UNC93A: variants seen among roughly 807,000 people sequenced by gnomAD.
UNC93A encodes unc-93 homolog A, also known as N-acetylglucosamine transporter UNC93A.
In UNC93A, 43 loss-of-function variants were observed where a neutral mutation model predicts 47.5. That is an observed-to-expected ratio of 0.91 (90% CI 0.71 to 1.17). The LOEUF is 1.17. UNC93A is among the 50% of genes most tolerant of loss of function. The pLI is 0.00. For missense variants in UNC93A, 605 were observed against 577.6 expected (o/e 1.05, Z -0.49); for synonymous variants, 280 against 258.0 (o/e 1.09, Z -0.82).
chr6:167,281,110 GTC>G (rs1170423656), intron 1 of UNC93A, among the ~76,000 whole-genome samples: 1 of 151,892 alleles, frequency 6.6e-6, no homozygotes. Flanking sequence ...GCCCCAGGAG[GTC>G]ATCCCACTGA....
chr6:167,312,831 T>A (rs1024238764), intron 7 of UNC93A, among the ~76,000 whole-genome samples: 1 of 152,238 alleles, frequency 6.6e-6, no homozygotes, highest in African/African-American at 2.4e-5. Flanking sequence ...TTCTTTATGT[T>A]TGGATTAAAA....
At chr6:167,296,376 T>C in intron 3 of UNC93A, 115 bp downstream of exon 3, 1 of 1,128,202 alleles carries the variant, frequency 8.9e-7, no homozygotes, top group Non-Finnish European at 1.3e-6. Flanking sequence ...CTTGAGCAGG[T>C]GAGTCAGGCC....
At chr6:167,294,456 C>A in intron 1 of UNC93A, 61 bp from the exon 2 acceptor site, 3 of 1,579,864 alleles carry the variant, frequency 1.9e-6, no homozygotes, top group Non-Finnish European at 2.6e-6. Flanking sequence ...TGAGGACCTG[C>A]TGGTGCCTCA....
At position 167,285,071 on chromosome 6, in the gene UNC93A, G is replaced by A. The variant is rs370167907; in HGVS notation, c.-51-6368G>A. Among the ~76,000 whole-genome samples the A allele has an allele frequency of 7.0e-4, 107 of 152,130 alleles. No individual in the cohort carries two copies. In the East Asian group the frequency reaches 7.9e-3, roughly 11 times the overall value. On this transcript the variant is annotated intron_variant, in intron 1 of 3. Coordinates refer to the UNC93A transcript ENST00000503433. ...AAGCCAACCTGTTCCTTCCCACACC[G>A]TCTGGGCCTTCGGGCCCTGCCAGGT...
Position 167,312,603 on chromosome 6 carries a change from C to G in UNC93A, c.1109-2584C>G, listed in dbSNP as rs574151764. Among the ~76,000 whole-genome samples the G allele has an allele frequency of 1.5e-3, 231 of 152,338 alleles. 2 individuals carry two copies. The highest frequency in any genetic ancestry group is 5.2e-3 in the African/African-American group (217 of 41,572). On this transcript the variant is annotated intron_variant, in intron 7 of 7. Transcript: ENST00000230256. ...AAGACACGGGGCTTATTCTAGCCCC[C>G]ACTGCGTAGCTGTCGCTCCATTCTC...
At chr6:167,280,595 AGC>A (rs1284369318) in intron 1 of UNC93A, among the ~76,000 whole-genome samples, 3 of 152,228 alleles carry the variant, frequency 2.0e-5, no homozygotes, top group Non-Finnish European at 4.4e-5. Flanking sequence ...TCAGACAGAG[AGC>A]CCCGAGGCCG....
Position 167,295,645 on chromosome 6 carries a change from CTCCTCGCCTCCCTCGTGA to C in UNC93A, c.270-377_270-360del, listed in dbSNP as rs1554239164. Reference sequence around the variant, plus strand: ...CCTCGTGCTCCTCGCCTGCCTCGTGCTCCTCGCCTCCCTCGTGATCCTCGCCTGCCTCGTGCTCCTCGC... The same window carrying C: ...CCTCGTGCTCCTCGCCTGCCTCGTGCTCCTCGCCTGCCTCGTGCTCCTCGC... On this transcript the variant is annotated intron_variant, in intron 2 of 7. Coordinates refer to ENST00000230256, the MANE Select transcript of UNC93A (RefSeq NM_018974.4). Among the ~76,000 whole-genome samples the C allele has an allele frequency of 1.9e-3, 93 of 49,870 alleles. 9 individuals carry two copies. The highest frequency in any genetic ancestry group is 7.4e-3 in the African/African-American group (78 of 10,574). The allele number at this position is 49,870 out of a possible 152,430, so 32.7% of individuals were successfully genotyped here. A position where few individuals can be genotyped will look rare whatever the true frequency, so the allele number is the denominator to read the frequency against.
At chr6:167,312,912 C>G (rs917881787) in intron 7 of UNC93A, among the ~76,000 whole-genome samples, 1 of 152,226 alleles carries the variant, frequency 6.6e-6, no homozygotes, top group East Asian at 1.9e-4. Flanking sequence ...CCTCTCCTCC[C>G]CTAGACTGGG....
At chr6:167,273,736 G>A (rs1393634978) in intron 1 of UNC93A, among the ~76,000 whole-genome samples, 3 of 152,046 alleles carry the variant, frequency 2.0e-5, no homozygotes, top group Admixed American at 6.5e-5. Context: ...GGGAAAGGTG[G>A]CACACCAGGA....
At position 167,298,539 on chromosome 6, in the gene UNC93A, T is replaced by TG. The variant is rs1326189826; in HGVS notation, c.625+469_625+470insG. On this transcript the variant is annotated intron_variant, in intron 4 of 7. Coordinates refer to ENST00000230256, the MANE Select transcript of UNC93A (RefSeq NM_018974.4). The stretch of plus-strand genomic sequence containing the variant: ...GCTATAAGCCACTTTTTTTTTTTTT[T>TG]CTGAGAAATGTGCTGAGTACCTTCT... Among the ~76,000 whole-genome samples, 6 of 151,556 alleles carry TG rather than the reference T, an allele frequency of 4.0e-5. No individual in the cohort carries two copies. The East Asian group carries it at 9.6e-4, about 24-fold the overall frequency.
intron 4 of UNC93A, among the ~76,000 whole-genome samples, chr6:167,303,226 A>T (rs190216550): frequency 6.6e-6 from 1 of 152,344 alleles, no homozygotes; most frequent in East Asian, 1.9e-4. Context: ...ATTCCTAGAC[A>T]TATTTAATGC....
intron 1 of UNC93A, among the ~76,000 whole-genome samples, chr6:167,285,956 C>CTATA (rs1783721574): frequency 7.1e-6 from 1 of 141,114 alleles, no homozygotes; most frequent in African/African-American, 2.6e-5. Context: ...CTCTCTCTCT[C>CTATA]TCTCTATATA....
rs557008671 is a variant in UNC93A at position 167,304,271 on chromosome 6, C to T, written c.840+138C>T. 132 of 846,994 alleles carry T rather than the reference C, an allele frequency of 1.6e-4. No individual in the cohort carries two copies. The African/African-American group carries it at 2.0e-3, about 13-fold the overall frequency. 52.5% of individuals were successfully genotyped at this position (846,994 alleles called of 1,614,324 possible). ...GCTGGAGGGAGCGGGGTCCTATGCTCCCAGTGCTACCATAGCTGAGTTTAT... is the reference window on the plus strand; with the variant it reads ...GCTGGAGGGAGCGGGGTCCTATGCTTCCAGTGCTACCATAGCTGAGTTTAT... On this transcript the variant is annotated intron_variant, in intron 5 of 7. Coordinates refer to ENST00000230256, the MANE Select transcript of UNC93A (RefSeq NM_018974.4).
rs1001961668 is a variant in UNC93A at position 167,295,076 on chromosome 6, C to A, written c.269+378C>A. Among the ~76,000 whole-genome samples, 34 of 152,116 alleles carry A rather than the reference C, an allele frequency of 2.2e-4. 2 individuals carry two copies. Among genetic ancestry groups the A allele is most frequent in the Non-Finnish European group, 1.5e-5 (1 of 68,018 alleles). The stretch of plus-strand genomic sequence containing the variant: ...ACCTAGGCAGATGTCACCAATGGAC[C>A]GAAAGCTGCACCTCGCCCACCATTA... On this transcript the variant is annotated intron_variant, in intron 2 of 7. Transcript: ENST00000230256.
intron 7 of UNC93A, 52 bp from the exon 8 acceptor site, chr6:167,315,135 G>C: frequency 6.3e-7 from 1 of 1,595,622 alleles, no homozygotes; most frequent in Non-Finnish European, 8.5e-7. Context: ...TTCACAAACA[G>C]GGTCACTGTG....
upstream of UNC93A, among the ~76,000 whole-genome samples, chr6:167,270,458 A>G (rs996097443): frequency 2.0e-5 from 3 of 152,084 alleles, no homozygotes; most frequent in East Asian, 1.9e-4. Context: ...ATGAGGGAGC[A>G]GGGCCCCATC....
At chr6:167,301,100 G>A (rs150884168) in intron 4 of UNC93A, among the ~76,000 whole-genome samples, 30 of 152,376 alleles carry the variant, frequency 2.0e-4, no homozygotes, top group African/African-American at 5.5e-4. Context: ...GCTTTGGCCC[G>A]CAGGCCATAG....
At chr6:167,313,110 T>A (rs1778602391) in intron 7 of UNC93A, among the ~76,000 whole-genome samples, 1 of 152,160 alleles carries the variant, frequency 6.6e-6, no homozygotes, top group Non-Finnish European at 1.5e-5. Context: ...AGTGAGGGTG[T>A]CACCTCTGTC....
rs753493669 is a variant in UNC93A, at chr6:167,297,948, C to A, written c.503C>A (p.Thr168Asn). Residue 168 changes from threonine to asparagine, a missense_variant, in exon 4 of 8, where the codon ACC (threonine) becomes AAC (asparagine). Transcript: ENST00000230256. ...LVFGQTPSQE[T>N]LPEEQLTSCG... ...CCTGTCCACTCTGACTTCATAGAGACCCTTCCAGAAGAGCAGCTCACGTCC... is the reference window on the plus strand; with the variant it reads ...CCTGTCCACTCTGACTTCATAGAGAACCTTCCAGAAGAGCAGCTCACGTCC... The A allele has an allele frequency of 2.4e-5, 39 of 1,613,782 alleles. No individual in the cohort carries two copies. Among genetic ancestry groups the A allele is most frequent in the Admixed American group, 1.8e-4 (11 of 59,998 alleles).
Sources: allele counts gnomAD v4.1 joint callset (sites outside exome capture counted in the v4.1 genomes callset), GRCh38; gene constraint gnomAD v4.1.1; transcripts MANE v1.5; gene names NCBI Gene and HGNC (gene_info 2026-07-23, HGNC 2026-07-21).